Variants in CPAMD8 observed in about 807,000 individuals in gnomAD.
The protein encoded by CPAMD8 is C3 and PZP like alpha-2-macroglobulin domain containing 8.
Under a neutral mutation model 224.7 loss-of-function variants are expected in CPAMD8, and 146 were observed. The ratio of observed to expected loss-of-function variants is 0.65; its 90% CI spans 0.57 to 0.75. The LOEUF is 0.75. Among genes scored for constraint, CPAMD8 ranks in the 30% least tolerant of loss-of-function variants. The probability of loss-of-function intolerance (pLI) is 0.00; values close to 1 mark genes in which losing one functional copy is unlikely to be tolerated. For synonymous variants in CPAMD8, 966 were observed against 1,044.6 expected (o/e 0.92, Z 1.45); for missense variants, 2,301 against 2,537.5 (o/e 0.91, Z 2.00).
intron 6 of CPAMD8, 144 bp from the exon 7 acceptor site, chr19:17,008,703 C>CAAGAAAA: frequency 1.1e-6 from 1 of 884,238 alleles, no homozygotes; most frequent in Non-Finnish European, 1.8e-6. Flanking sequence ...AACCCCGGGG[C>CAAGAAAA]AAAAAAAAAG....
rs554553225 is a variant in CPAMD8, at chr19:16,913,856, A to G, written c.3861+568T>C. 2.0e-3 allele frequency among the ~76,000 whole-genome samples: 312 copies of G among 152,230 alleles called. 3 individuals are homozygous for G. Among genetic ancestry groups the G allele is most frequent in the Non-Finnish European group, 2.8e-4 (19 of 67,996 alleles). On this transcript the variant is annotated intron_variant, in intron 29 of 41. Coordinates refer to ENST00000443236, the MANE Select transcript of CPAMD8 (RefSeq NM_015692.5). ...TGTAGAATTGATGTAGGTATTAGGG[A>G]GGGCAGATTCTTCTCACCCAGGGCT...
chr19:16,979,048 CCACT>C (rs2055389078), intron 14 of CPAMD8, among the ~76,000 whole-genome samples: 1 of 151,470 alleles, frequency 6.6e-6, no homozygotes, highest in Non-Finnish European at 1.5e-5. Flanking sequence ...TCCACCCACC[CCACT>C]ATCCATCCAT....
At chr19:16,998,756 A>C (rs972283527) in intron 10 of CPAMD8, among the ~76,000 whole-genome samples, 1 of 152,202 alleles carries the variant, frequency 6.6e-6, no homozygotes, top group African/African-American at 2.4e-5. Context: ...GTGCAGCCAC[A>C]TTGACCATTT....
At chr19:16,996,093 T>G (rs2056113970) in intron 11 of CPAMD8, among the ~76,000 whole-genome samples, 1 of 152,128 alleles carries the variant, frequency 6.6e-6, no homozygotes. Flanking sequence ...GAGGTTGCAA[T>G]TAGTCGAGAT....
At position 17,026,560 on chromosome 19, in the gene CPAMD8, G is replaced by A. The variant is rs2057087033; in HGVS notation, c.83C>T (p.Pro28Leu). The A allele has an allele frequency of 2.0e-6, 3 of 1,525,264 alleles. No homozygotes were observed. The East Asian group carries it at 8.0e-5, about 40-fold the overall frequency. The allele number at this position is 1,525,264 out of a possible 1,614,324, so 94.5% of individuals were successfully genotyped here. Reference sequence around the variant, plus strand: ...GCCGGAGGATACTCACGGGGCCTGAGGCTGCGCGGCGCGCACGCCGTCCCG... The same window carrying A: ...GCCGGAGGATACTCACGGGGCCTGAAGCTGCGCGGCGCGCACGCCGTCCCG... ...SARDGVRAAQ[P>L]QAPGYLIAAP... The change falls in exon 1 of 42, where the codon CCT becomes CTT. Residue 28 changes from proline (P) to leucine (L), a missense_variant. Coordinates refer to ENST00000443236, the MANE Select transcript of CPAMD8 (RefSeq NM_015692.5).
chr19:17,017,053 T>C (rs1317084370), intron 3 of CPAMD8, among the ~76,000 whole-genome samples: 3 of 152,076 alleles, frequency 2.0e-5, no homozygotes, highest in Non-Finnish European at 4.4e-5. Context: ...TTCATCTGTA[T>C]TTACAGCCGC....
In CPAMD8 at chr19:16,929,226, A is replaced by C. The variant is rs1290898946; in HGVS notation, c.2860T>G (p.Ser954Ala). The change falls in exon 24 of 42, where the codon TCC (serine) becomes GCC (alanine). Residue 954 changes from serine (S) to alanine (A), a missense_variant. Around this residue, in one of 4 missense-constraint regions of CPAMD8, gnomAD observed 1,709 missense variants for 1,753.2 expected, o/e 0.97. Transcript: ENST00000443236. ...FFCPSERVHI[S>A]TPNKYEFQYV... ...TGGAACTCATACTTGTTGGGGGTGG[A>C]GATGTGGACTCTCTCTGGATGGAGG... 6.2e-7 allele frequency: 1 copy of C among 1,604,960 alleles called. No homozygotes were observed. The highest frequency in any genetic ancestry group is 1.1e-5 in the South Asian group (1 of 90,800).
chr19:16,945,809 G>A (rs2054055431), intron 21 of CPAMD8, 130 bp from the exon 22 acceptor site: 1 of 813,090 alleles, frequency 1.2e-6, no homozygotes, highest in Admixed American at 1.9e-5. Flanking sequence ...GTGTGTATAT[G>A]CAGATGTGTG....
At chr19:17,026,296 C>T (rs964499678) in intron 1 of CPAMD8, among the ~76,000 whole-genome samples, 4 of 152,186 alleles carry the variant, frequency 2.6e-5, no homozygotes, top group African/African-American at 9.6e-5. Context: ...GCCCGGGTCA[C>T]ACGAAGGGGG....
At chr19:16,916,252 G>A (rs1447488196) in intron 27 of CPAMD8, among the ~76,000 whole-genome samples, 5 of 151,986 alleles carry the variant, frequency 3.3e-5, no homozygotes, top group Non-Finnish European at 5.9e-5. Context: ...GGGCTCCAGT[G>A]ATCCTCCCAC....
intron 17 of CPAMD8, among the ~76,000 whole-genome samples, chr19:16,974,250 G>A (rs1415690456): frequency 6.6e-6 from 1 of 151,930 alleles, no homozygotes. Flanking sequence ...TCCTGCCTCA[G>A]CCTCCCGAGT....
intron 1 of CPAMD8, among the ~76,000 whole-genome samples, chr19:17,025,647 T>C (rs545969715): frequency 2.8e-4 from 43 of 152,154 alleles, no homozygotes; most frequent in Non-Finnish European, 4.6e-4. Context: ...TCCAGACATT[T>C]CCCAGCGGCC....
chr19:16,947,419 A>C (rs1198397571), intron 20 of CPAMD8, among the ~76,000 whole-genome samples, 192 bp from the exon 21 acceptor site: 1 of 151,538 alleles, frequency 6.6e-6, no homozygotes, highest in Non-Finnish European at 1.5e-5. Context: ...CTGGTGCCCC[A>C]CTTGGCCTTC....
intron 23 of CPAMD8, among the ~76,000 whole-genome samples, chr19:16,932,283 T>C (rs536225876): frequency 5.3e-5 from 8 of 151,664 alleles, no homozygotes; most frequent in Non-Finnish European, 4.4e-5. Flanking sequence ...TAGCCAGGCG[T>C]GGTGGCATGT....
chr19:16,896,888 G>C, intron 39 of CPAMD8: 2 of 396,790 alleles, frequency 5.0e-6, no homozygotes, highest in South Asian at 1.0e-4. Context: ...TTTAAAAAGC[G>C]GTTGTAGGAG....
At chr19:16,901,042 A>G (rs2052232401) in intron 36 of CPAMD8, among the ~76,000 whole-genome samples, 168 bp downstream of exon 36, 1 of 147,938 alleles carries the variant, frequency 6.8e-6, no homozygotes, top group African/African-American at 2.5e-5. Context: ...GAAACAGGGT[A>G]AAAGGGGAGG....
intron 10 of CPAMD8, among the ~76,000 whole-genome samples, chr19:16,999,568 G>C (rs2056243578): frequency 7.2e-6 from 1 of 139,616 alleles, no homozygotes. Context: ...CTGGGCAACA[G>C]AGCAAGACTC....
intron 5 of CPAMD8, among the ~76,000 whole-genome samples, chr19:17,009,773 C>CAA (rs561836442): frequency 3.1e-4 from 39 of 126,692 alleles, no homozygotes; most frequent in African/African-American, 1.0e-3. Context: ...GACTCCGTCT[C>CAA]AAAAAAAAAA....
intron 22 of CPAMD8, among the ~76,000 whole-genome samples, chr19:16,939,786 C>T (rs2053823537): frequency 6.6e-6 from 1 of 150,598 alleles, no homozygotes; most frequent in Non-Finnish European, 1.5e-5. Flanking sequence ...GGTTCCCAGG[C>T]CTTCAGACCT....
Sources: allele counts gnomAD v4.1 joint callset (sites outside exome capture counted in the v4.1 genomes callset), GRCh38; gene constraint gnomAD v4.1.1; regional missense constraint gnomAD v4.1.1; transcripts MANE v1.5; gene names NCBI Gene and HGNC (gene_info 2026-07-23, HGNC 2026-07-21).